Variants in IL1RL2 observed in about 807,000 individuals in gnomAD.
IL1RL2 encodes the protein interleukin-1 receptor-like 2.
Under a neutral mutation model 66.8 loss-of-function variants are expected in IL1RL2, and 68 were observed. That is an observed-to-expected ratio of 1.02 (90% CI 0.84 to 1.25). The LOEUF (loss-of-function observed/expected upper bound fraction) is 1.25. IL1RL2 is among the 50% of genes most tolerant of loss of function. The pLI is 0.00. For synonymous variants in IL1RL2, 305 were observed against 264.6 expected (o/e 1.15, Z -1.48); for missense variants, 729 against 709.3 (o/e 1.03, Z -0.32).
intron 8 of IL1RL2, among the ~76,000 whole-genome samples, chr2:102,220,954 G>A (rs917994): frequency 0.63 from 96,020 of 152,036 alleles, 30,626 homozygotes; most frequent in Admixed American, 0.69. Context: ...GGATCTGTGC[G>A]TGGCAGCTTG....
rs887658712 is a variant in IL1RL2, at chr2:102,219,059, C to G, written c.831C>G (p.Ser277=). The G allele has an allele frequency of 2.5e-6, 4 of 1,613,856 alleles. No individual in the cohort carries two copies. Among genetic ancestry groups the G allele is most frequent in the Non-Finnish European group, 3.4e-6 (4 of 1,179,798 alleles). The part of the protein sequence containing the change: ...NTLVDDYYDE[S]KRIREGVETH... The stretch of plus-strand genomic sequence containing the variant: ...TGGTGGATGATTACTATGATGAATC[C>G]AAACGAATCAGAGAAGGGGTGGAGT... The change falls in exon 7 of 12, where the codon TCC becomes TCG. Residue 277 remains serine (S), a synonymous_variant. Transcript: ENST00000264257.
At chr2:102,221,399 G>A (rs1474037763) in intron 8 of IL1RL2, among the ~76,000 whole-genome samples, 2 of 152,126 alleles carry the variant, frequency 1.3e-5, no homozygotes, top group South Asian at 2.1e-4. Context: ...ACAGCTCTGC[G>A]TTTCCAGCTG....
intron 5 of IL1RL2, among the ~76,000 whole-genome samples, chr2:102,210,332 G>T (rs1028740624): frequency 1.3e-5 from 2 of 152,316 alleles, no homozygotes; most frequent in South Asian, 2.1e-4. Context: ...CCAAGATCAA[G>T]TAGGAACCAG....
At chr2:102,199,769 G>A (rs990936882) in intron 4 of IL1RL2, among the ~76,000 whole-genome samples, 6 of 152,162 alleles carry the variant, frequency 3.9e-5, no homozygotes, top group Admixed American at 2.0e-4. Context: ...AGCCATGGAA[G>A]CACAGCAAGG....
Position 102,239,275 on chromosome 2 carries a change from G to T in IL1RL2, c.*34G>T. 6.2e-7 allele frequency: 1 copy of T among 1,602,090 alleles called. No individual in the cohort carries two copies. Among genetic ancestry groups the T allele is most frequent in the South Asian group, 1.1e-5 (1 of 90,760 alleles). On this transcript the variant is annotated 3_prime_UTR_variant, in exon 12 of 12. Coordinates refer to ENST00000264257, the MANE Select transcript of IL1RL2 (RefSeq NM_003854.4). ...GGACTGACACCTATGGCTGGAAGAT[G>T]ACTTGTTTTGCTCCATGTCTCCTCA...
chr2:102,197,410 A>G (rs1687880655), intron 4 of IL1RL2, among the ~76,000 whole-genome samples: 1 of 152,252 alleles, frequency 6.6e-6, no homozygotes, highest in South Asian at 2.1e-4. Flanking sequence ...GAGCTTGGAA[A>G]TTAGACAAAA....
chr2:102,211,999 T>C (rs1689211661), intron 5 of IL1RL2, 101 bp from the exon 6 acceptor site: 4 of 714,570 alleles, frequency 5.6e-6, no homozygotes, highest in African/African-American at 1.8e-5. Context: ...CCAGAGCTTA[T>C]TGATGGTCTG....
chr2:102,195,603 TTCTTTC>T (rs1218461279), intron 4 of IL1RL2, among the ~76,000 whole-genome samples: 18 of 17,778 alleles, frequency 1.0e-3, no homozygotes, highest in African/African-American at 2.5e-3. Flanking sequence ...CTTTCTTTCT[TTCTTTC>T]TTTCTTTCTT....
At chr2:102,194,093 G>A (rs1332292360) in intron 4 of IL1RL2, among the ~76,000 whole-genome samples, 1 of 152,056 alleles carries the variant, frequency 6.6e-6, no homozygotes, top group Non-Finnish European at 1.5e-5. Flanking sequence ...AACATTACTA[G>A]CACCTCCGAA....
intron 1 of IL1RL2, 134 bp downstream of exon 1, chr2:102,187,220 C>T: frequency 1.7e-6 from 2 of 1,206,848 alleles, no homozygotes; most frequent in Non-Finnish European, 2.1e-6. Context: ...GGCCGGCCCC[C>T]GACCGGCTAG....
chr2:102,198,264 G>C (rs1687951051), intron 4 of IL1RL2, among the ~76,000 whole-genome samples: 2 of 152,326 alleles, frequency 1.3e-5, no homozygotes, highest in East Asian at 1.9e-4. Context: ...TTTTGAGACA[G>C]AGGTTCTGGA....
At chr2:102,219,710 T>G (rs1438137575) in intron 7 of IL1RL2, among the ~76,000 whole-genome samples, 171 bp from the exon 8 acceptor site, 1 of 152,168 alleles carries the variant, frequency 6.6e-6, no homozygotes, top group Non-Finnish European at 1.5e-5. Flanking sequence ...AATGCAAATT[T>G]GGGAATATAC....
chr2:102,204,216 T>C (rs899999444), intron 5 of IL1RL2, among the ~76,000 whole-genome samples: 2 of 152,176 alleles, frequency 1.3e-5, no homozygotes, highest in African/African-American at 4.8e-5. Flanking sequence ...TATTGATTTC[T>C]AGTTTTATTC....
chr2:102,224,919 TC>T, intron 8 of IL1RL2, among the ~76,000 whole-genome samples: 1 of 152,056 alleles, frequency 6.6e-6, no homozygotes. Flanking sequence ...AAAAAAACCC[TC>T]TTCCTCCCCT....
At chr2:102,204,243 G>T (rs1051320022) in intron 5 of IL1RL2, among the ~76,000 whole-genome samples, 1 of 152,072 alleles carries the variant, frequency 6.6e-6, no homozygotes, top group African/African-American at 2.4e-5. Flanking sequence ...GGTCAGAGAA[G>T]ATGCTTGATA....
In IL1RL2 at chr2:102,187,958, TGCCCGAGTCCACAGGCTCCTG is replaced by T. The variant is rs748627258; in HGVS notation, c.58+37_58+57del. 33 of 1,601,186 alleles carry T rather than the reference TGCCCGAGTCCACAGGCTCCTG, an allele frequency of 2.1e-5. No homozygotes were observed. The Admixed American group carries it at 5.5e-4, about 27-fold the overall frequency. On this transcript the variant is annotated intron_variant, in intron 2 of 11. Coordinates refer to ENST00000264257, the MANE Select transcript of IL1RL2 (RefSeq NM_003854.4). ...CCGTGTGTCCTCCGTTCCCAGAGGC[TGCCCGAGTCCACAGGCTCCTG>T]GCCTGTCATTGGGAGCCCCCGGGGA...
At chr2:102,193,337 A>G (rs1687395841) in intron 4 of IL1RL2, among the ~76,000 whole-genome samples, 1 of 152,186 alleles carries the variant, frequency 6.6e-6, no homozygotes, top group South Asian at 2.1e-4. Flanking sequence ...AAAGTATTCA[A>G]CTTTGTTGAT....
At chr2:102,189,867 T>A (rs1252912092) in intron 3 of IL1RL2, among the ~76,000 whole-genome samples, 1 of 152,224 alleles carries the variant, frequency 6.6e-6, no homozygotes, top group Non-Finnish European at 1.5e-5. Context: ...TTAGCTAGGA[T>A]GATCTCGAGC....
chr2:102,223,038 C>T (rs1019691772), intron 8 of IL1RL2, among the ~76,000 whole-genome samples: 1 of 152,228 alleles, frequency 6.6e-6, no homozygotes, highest in Non-Finnish European at 1.5e-5. Flanking sequence ...GGAGCTAATG[C>T]TGTGACCAGT....
Sources: gnomAD v4.1 joint callset for allele counts (sites outside exome capture counted in the v4.1 genomes callset) on GRCh38, gnomAD v4.1.1 for gene constraint, MANE v1.5 for transcripts, NCBI Gene and HGNC (gene_info 2026-07-23, HGNC 2026-07-21) for gene names.